Variants in GPC3 observed in about 807,000 individuals in gnomAD.
GPC3 encodes the protein glypican-3.
A neutral mutation model predicts 34.4 loss-of-function variants in GPC3; 3 were observed. That is an observed-to-expected ratio of 0.09 (90% CI 0.04 to 0.23). GPC3 has a LOEUF of 0.23. Among genes scored for constraint, GPC3 ranks in the 10% least tolerant of loss-of-function variants. The pLI, the probability that GPC3 is intolerant of heterozygous loss-of-function variation, is 1.00. For missense variants in GPC3, 351 were observed against 445.6 expected (o/e 0.79, Z 1.91); for synonymous variants, 177 against 174.0 (o/e 1.02, Z -0.13).
chrX:133,963,073 C>G lies in GPC3; in HGVS notation c.176-9862G>C, dbSNP rs143897005. Among the ~76,000 whole-genome samples the G allele has an allele frequency of 7.7e-4, 87 of 112,287 alleles. No individual in the cohort carries two copies. The South Asian group carries it at 9.7e-3, about 13-fold the overall frequency. The stretch of plus-strand genomic sequence containing the variant: ...GGGCATTGGGAGGACACAAAAGAAG[C>G]AAAGGACTTGCTTTCGCCCTTTTAG... On this transcript the variant is annotated intron_variant, in intron 1 of 7. Transcript: ENST00000370818.
At chrX:133,882,005 C>T (rs781058620) in intron 2 of GPC3, among the ~76,000 whole-genome samples, 3 of 112,483 alleles carry the variant, frequency 2.7e-5, no homozygotes, top group Admixed American at 1.9e-4. Flanking sequence ...ACCCTTATCC[C>T]TCCTTTTCCG....
At chrX:133,808,757 A>C (rs756637784) in intron 2 of GPC3, among the ~76,000 whole-genome samples, 2 of 110,828 alleles carry the variant, frequency 1.8e-5, no homozygotes, top group East Asian at 5.6e-4. Context: ...TAAAAAAAAA[A>C]ACAGAAAACA....
intron 2 of GPC3, among the ~76,000 whole-genome samples, chrX:133,783,201 G>A: frequency 9.0e-6 from 1 of 111,190 alleles, no homozygotes; most frequent in Non-Finnish European, 1.9e-5. Flanking sequence ...CTTCCGGGCA[G>A]AATTTCTAGG....
At chrX:133,564,053 G>A (rs1459625701) in intron 7 of GPC3, among the ~76,000 whole-genome samples, 4 of 110,801 alleles carry the variant, frequency 3.6e-5, no homozygotes, top group African/African-American at 3.3e-5. Flanking sequence ...AGAGTGATAC[G>A]CCACTGTTAG....
chrX:133,686,315 T>C (rs1235263729), intron 5 of GPC3, among the ~76,000 whole-genome samples: 2 of 111,324 alleles, frequency 1.8e-5, no homozygotes, highest in African/African-American at 6.5e-5. Context: ...AGGATAAGGG[T>C]GAGCTAAGCT....
chrX:133,615,862 T>G (rs927854707), intron 6 of GPC3, among the ~76,000 whole-genome samples: 1 of 111,461 alleles, frequency 9.0e-6, no homozygotes, highest in African/African-American at 3.3e-5. Context: ...AACAGCCTTT[T>G]GTGATTTAAA....
intron 4 of GPC3, among the ~76,000 whole-genome samples, 161 bp downstream of exon 4, chrX:133,699,734 T>A (rs1340937580): frequency 8.9e-6 from 1 of 112,307 alleles, no homozygotes; most frequent in East Asian, 2.8e-4. Flanking sequence ...TATAATACCA[T>A]CTTTTTTTAA....
intron 6 of GPC3, among the ~76,000 whole-genome samples, chrX:133,628,815 T>G (rs2070335019): frequency 9.0e-6 from 1 of 111,375 alleles, no homozygotes; most frequent in Non-Finnish European, 1.9e-5. Flanking sequence ...CTATCAACTA[T>G]TTCCTGCTTG....
rs377090286 is a variant in GPC3, at chrX:133,842,370, CATTAT to C, written c.338-88199_338-88195del. Among the ~76,000 whole-genome samples the C allele has an allele frequency of 6.9e-3, 730 of 106,096 alleles. 5 individuals are homozygous for C. The highest frequency in any genetic ancestry group is 0.024 in the Middle Eastern group (5 of 209). The allele number at this position is 106,096 out of a possible 115,157, so 92.1% of individuals were successfully genotyped here. ...TTTAAAAACTCCCCTATATATATTA[CATTAT>C]ATTATATTATATACATAATGTATTA... On this transcript the variant is annotated intron_variant, in intron 2 of 7. Coordinates refer to ENST00000370818, the MANE Select transcript of GPC3 (RefSeq NM_004484.4).
chrX:133,603,448 C>T (rs1332543867), intron 6 of GPC3, among the ~76,000 whole-genome samples: 1 of 111,618 alleles, frequency 9.0e-6, no homozygotes, highest in Non-Finnish European at 1.9e-5. Flanking sequence ...TTCCCAGAAT[C>T]CCACTGAAAC....
intron 2 of GPC3, among the ~76,000 whole-genome samples, chrX:133,880,680 T>C (rs968873511): frequency 8.9e-6 from 1 of 111,987 alleles, no homozygotes; most frequent in African/African-American, 3.2e-5. Flanking sequence ...GTGAATGAGA[T>C]TTATCCAAAG....
intron 6 of GPC3, among the ~76,000 whole-genome samples, chrX:133,607,929 A>G (rs1458173651): frequency 8.9e-6 from 1 of 112,832 alleles, no homozygotes; most frequent in Non-Finnish European, 1.9e-5. Context: ...GGACCCACCC[A>G]GGGAGCCTCT....
chrX:133,844,012 G>GTA (rs1418511902), intron 2 of GPC3, among the ~76,000 whole-genome samples: 1 of 111,712 alleles, frequency 9.0e-6, no homozygotes, highest in Non-Finnish European at 1.9e-5. Context: ...AGTGAAAAGA[G>GTA]TAATCAACAT....
At chrX:133,588,719 AT>A (rs1468935409) in intron 7 of GPC3, among the ~76,000 whole-genome samples, 7 of 110,855 alleles carry the variant, frequency 6.3e-5, no homozygotes, top group African/African-American at 2.0e-4. Flanking sequence ...TCCAGTAAAA[AT>A]AAATAAATAA....
chrX:133,892,703 G>A (rs1258398156), intron 2 of GPC3, among the ~76,000 whole-genome samples: 4 of 110,214 alleles, frequency 3.6e-5, no homozygotes, highest in African/African-American at 1.3e-4. Flanking sequence ...CTGGAAGGGG[G>A]GTAGATATAC....
chrX:133,759,225 C>T (rs2071761307), intron 2 of GPC3, among the ~76,000 whole-genome samples: 1 of 111,229 alleles, frequency 9.0e-6, no homozygotes, highest in South Asian at 3.8e-4. Flanking sequence ...TCAATGAATC[C>T]CAATCAAAAT....
chrX:133,751,182 A>C (rs2071665174), intron 3 of GPC3, among the ~76,000 whole-genome samples: 1 of 111,011 alleles, frequency 9.0e-6, no homozygotes, highest in Non-Finnish European at 1.9e-5. Context: ...GAAATGACCA[A>C]TATCAGAGGC....
At chrX:133,756,170 T>C (rs951941566) in intron 2 of GPC3, among the ~76,000 whole-genome samples, 1 of 112,279 alleles carries the variant, frequency 8.9e-6, no homozygotes. Flanking sequence ...TGCGACAAAA[T>C]TGAGGCTCAG....
At chrX:133,707,400 A>T (rs955780773) in intron 3 of GPC3, among the ~76,000 whole-genome samples, 1 of 111,930 alleles carries the variant, frequency 8.9e-6, no homozygotes, top group Non-Finnish European at 1.9e-5. Flanking sequence ...TTTCTGAAAC[A>T]TATATTTAAT....
Sources: allele counts gnomAD v4.1 joint callset (sites outside exome capture counted in the v4.1 genomes callset), GRCh38; gene constraint gnomAD v4.1.1; transcripts MANE v1.5; gene names NCBI Gene and HGNC (gene_info 2026-07-23, HGNC 2026-07-21).